The following FOXP1 variants were observed in gnomAD, a reference collection of about 807,000 sequenced individuals.
The protein encoded by FOXP1 is forkhead box P1, also known as forkhead box protein P1.
In FOXP1, 15 loss-of-function variants were observed where a neutral mutation model predicts 98.2. The observed-to-expected ratio is 0.15, with a 90% confidence interval of 0.10 to 0.24. The LOEUF (loss-of-function observed/expected upper bound fraction) is 0.24. FOXP1 is among the 10% of genes least tolerant of loss of function. The pLI is 1.00. For synonymous variants in FOXP1, 371 were observed against 314.5 expected, an observed-to-expected ratio of 1.18 and a Z score of -1.90; for missense variants, 633 against 848.5, an observed-to-expected ratio of 0.75 and a Z score of 3.15.
intron 3 of FOXP1, among the ~76,000 whole-genome samples, chr3:71,456,271 C>T (rs1002898699): frequency 1.3e-5 from 2 of 152,104 alleles, no homozygotes; most frequent in African/African-American, 4.8e-5. Flanking sequence ...AGAGGGGACA[C>T]ACAAAAGTCA....
chr3:71,130,500 A>G, intron 6 of FOXP1: 1 of 1,598,410 alleles, frequency 6.3e-7, no homozygotes, highest in African/African-American at 1.3e-5. Context: ...ACACTTACAG[A>G]GAAAATGAAG....
At chr3:71,183,490 C>A (rs1003139993) in intron 6 of FOXP1, among the ~76,000 whole-genome samples, 1 of 152,122 alleles carries the variant, frequency 6.6e-6, no homozygotes, top group East Asian at 1.9e-4. Flanking sequence ...CAGAGTAACA[C>A]CCTGTCTCAA....
intron 4 of FOXP1, among the ~76,000 whole-genome samples, chr3:71,301,330 G>C (rs930326680): frequency 1.3e-5 from 2 of 152,106 alleles, no homozygotes; most frequent in Non-Finnish European, 1.5e-5. Flanking sequence ...GGCAAGCAAC[G>C]ATAAGAAAGA....
intron 5 of FOXP1, among the ~76,000 whole-genome samples, chr3:71,205,508 T>TAAA (rs138549754): frequency 6.6e-6 from 1 of 150,890 alleles, no homozygotes; most frequent in Non-Finnish European, 1.5e-5. Context: ...AAGCATGTTT[T>TAAA]AAAAAAAAAC....
intron 4 of FOXP1, among the ~76,000 whole-genome samples, chr3:71,349,278 T>C (rs1205146528): frequency 2.6e-5 from 4 of 152,232 alleles, no homozygotes; most frequent in Non-Finnish European, 1.5e-5. Flanking sequence ...GAGGAAATAA[T>C]TTTTATCCTT....
chr3:71,364,614 A>G (rs911009502), intron 3 of FOXP1, among the ~76,000 whole-genome samples: 1 of 152,204 alleles, frequency 6.6e-6, no homozygotes. Flanking sequence ...GTCTGCTGCT[A>G]TTATAAAAGA....
intron 14 of FOXP1, among the ~76,000 whole-genome samples, chr3:70,983,095 A>C (rs988965124): frequency 2.0e-5 from 3 of 152,228 alleles, no homozygotes; most frequent in Admixed American, 6.5e-5. Context: ...GGACGTTACC[A>C]GGCCGTGCGG....
intron 2 of FOXP1, among the ~76,000 whole-genome samples, chr3:71,559,677 C>T (rs2046393320): frequency 6.6e-6 from 1 of 152,174 alleles, no homozygotes; most frequent in African/African-American, 2.4e-5. Flanking sequence ...GAAATCTCAT[C>T]TTTATAAAAA....
chr3:71,251,991 C>T (rs928530031), intron 5 of FOXP1, among the ~76,000 whole-genome samples: 1 of 152,198 alleles, frequency 6.6e-6, no homozygotes, highest in Admixed American at 6.5e-5. Context: ...GATGCTCCCC[C>T]TTCCCAGCTT....
intron 6 of FOXP1, among the ~76,000 whole-genome samples, chr3:71,114,200 A>G (rs1223556279): frequency 1.3e-5 from 2 of 152,216 alleles, no homozygotes; most frequent in African/African-American, 4.8e-5. Context: ...GTGTTCCTTA[A>G]AAAGGAACAG....
chr3:71,408,129 C>T (rs550851006), intron 3 of FOXP1, among the ~76,000 whole-genome samples: 85 of 152,284 alleles, frequency 5.6e-4, no homozygotes, highest in Admixed American at 5.2e-3. Flanking sequence ...GGTCTGACAA[C>T]GTCCCTATTA....
chr3:71,190,638 C>CA (rs55747148), intron 6 of FOXP1, among the ~76,000 whole-genome samples: 10,618 of 41,476 alleles, frequency 0.26, 860 homozygotes, highest in African/African-American at 0.37. Flanking sequence ...ACCCCATCTC[C>CA]AAAAAAAAAA....
intron 4 of FOXP1, among the ~76,000 whole-genome samples, chr3:71,327,030 T>C (rs532859231): frequency 4.6e-5 from 7 of 152,244 alleles, no homozygotes; most frequent in Admixed American, 1.3e-4. Flanking sequence ...AGCTAATACA[T>C]GGCAAAGCTT....
chr3:71,393,319 T>C (rs2081164954), intron 3 of FOXP1, among the ~76,000 whole-genome samples: 1 of 151,882 alleles, frequency 6.6e-6, no homozygotes, highest in South Asian at 2.1e-4. Flanking sequence ...GATCCTCAGT[T>C]TTTTTTTGTC....
chr3:71,468,032 G>A (rs1162325815), intron 3 of FOXP1, among the ~76,000 whole-genome samples: 2 of 152,002 alleles, frequency 1.3e-5, no homozygotes, highest in Non-Finnish European at 2.9e-5. Context: ...TACCATAAAG[G>A]GTCACAGCAT....
At chr3:71,201,661 A>G (rs1192677878) in intron 5 of FOXP1, among the ~76,000 whole-genome samples, 1 of 152,002 alleles carries the variant, frequency 6.6e-6, no homozygotes, top group Non-Finnish European at 1.5e-5. Context: ...AAAAAAAAAG[A>G]ATTATAGGAA....
At chr3:71,039,748 T>C (rs143230474) in intron 11 of FOXP1, among the ~76,000 whole-genome samples, 10 of 151,296 alleles carry the variant, frequency 6.6e-5, no homozygotes, top group African/African-American at 2.4e-4. Context: ...TCTAAGGTTT[T>C]CTTTCTTGAA....
Position 70,965,970 on chromosome 3 carries a change from C to G in FOXP1, c.1809G>C (p.Arg603=). Residue 603 remains arginine, a synonymous_variant, in exon 20 of 21, where the codon CGG becomes CGC. Coordinates refer to ENST00000649528, the MANE Select transcript of FOXP1 (RefSeq NM_001349338.3). ...PTLGNLASAI[R]EELNGAMEHT... is the part of the protein sequence containing the mutation. Reference sequence around the variant, plus strand: ...GCTCCATTGCCCCGTTCAGCTCTTCCCGTATTGCGCTGGCTAAGTTGCCCA... The same window carrying G: ...GCTCCATTGCCCCGTTCAGCTCTTCGCGTATTGCGCTGGCTAAGTTGCCCA... The G allele has an allele frequency of 6.2e-7, 1 of 1,614,138 alleles. No individual in the cohort carries two copies. Among genetic ancestry groups the G allele is most frequent in the Non-Finnish European group, 8.5e-7 (1 of 1,180,022 alleles).
intron 5 of FOXP1, among the ~76,000 whole-genome samples, chr3:71,278,494 A>C (rs2071160602): frequency 6.6e-6 from 1 of 152,180 alleles, no homozygotes; most frequent in African/African-American, 2.4e-5. Context: ...TGATTAAACA[A>C]ATTTCTGACC....
Sources: allele counts gnomAD v4.1 joint callset (sites outside exome capture counted in the v4.1 genomes callset), GRCh38; gene constraint gnomAD v4.1.1; transcripts MANE v1.5; gene names NCBI Gene and HGNC (gene_info 2026-07-23, HGNC 2026-07-21).